STXBP5L: variants seen among roughly 807,000 people sequenced by gnomAD.
The protein encoded by STXBP5L is syntaxin binding protein 5L, also known as syntaxin-binding protein 5-like.
A neutral mutation model predicts 144.5 loss-of-function variants in STXBP5L; 65 were observed. The observed-to-expected ratio is 0.45, with a 90% CI of 0.37 to 0.55. STXBP5L has a LOEUF of 0.55. Ranked by LOEUF, STXBP5L falls within the 20% of genes least tolerant of loss-of-function variation. The pLI is 0.00. For synonymous variants in STXBP5L, 505 were observed against 469.6 expected (o/e 1.08, Z -0.97); for missense variants, 1,298 against 1,405.5 (o/e 0.92, Z 1.22).
intron 5 of STXBP5L, among the ~76,000 whole-genome samples, chr3:121,054,288 G>A (rs367845434): frequency 6.6e-6 from 1 of 152,092 alleles, no homozygotes; most frequent in East Asian, 1.9e-4. Context: ...AGACACATGT[G>A]CACGAATGTT....
chr3:121,417,117 C>T (rs767979518), intron 25 of STXBP5L, among the ~76,000 whole-genome samples: 1 of 152,086 alleles, frequency 6.6e-6, no homozygotes. Flanking sequence ...CTAGAATGGG[C>T]AAATTCAGAA....
At chr3:121,331,363 A>C (rs2044316400) in intron 20 of STXBP5L, among the ~76,000 whole-genome samples, 1 of 152,184 alleles carries the variant, frequency 6.6e-6, no homozygotes, top group South Asian at 2.1e-4. Context: ...GGAGCTTAGC[A>C]TGAGTGTACC....
chr3:121,229,883 G>A (rs572433045), intron 11 of STXBP5L, among the ~76,000 whole-genome samples: 84 of 152,160 alleles, frequency 5.5e-4, no homozygotes, highest in Middle Eastern at 3.4e-3. Context: ...TCAGAAAAAC[G>A]TGTTTCCCTA....
At chr3:121,059,855 C>G (rs1045966995) in intron 5 of STXBP5L, among the ~76,000 whole-genome samples, 7 of 152,166 alleles carry the variant, frequency 4.6e-5, no homozygotes, top group African/African-American at 1.7e-4. Context: ...TGCTTATCAG[C>G]TTAAGGAGAT....
chr3:121,407,499 T>A lies in STXBP5L; in HGVS notation c.2844T>A (p.His948Gln). The A allele has an allele frequency of 6.2e-7, 1 of 1,613,418 alleles. No individual in the cohort carries two copies. The highest frequency in any genetic ancestry group is 1.1e-5 in the South Asian group (1 of 91,070). ...SLPSQTCLYVHNITETSFILQ... is the reference protein window; with the variant it reads ...SLPSQTCLYVQNITETSFILQ... ...CTTCTCAGACTTGCCTTTATGTTCA[T>A]AACATCACGGAGACATCTTTTATAC... Residue 948 changes from histidine (H) to glutamine (Q), a missense_variant, in exon 23 of 27, where the codon CAT becomes CAA. Physicochemically the swap from His to Gln is conservative, Grantham distance 24. Coordinates refer to ENST00000471454, the MANE Select transcript of STXBP5L (RefSeq NM_001308330.2).
intron 5 of STXBP5L, among the ~76,000 whole-genome samples, chr3:121,053,809 A>G (rs947536193): frequency 1.3e-4 from 20 of 152,074 alleles, no homozygotes; most frequent in Admixed American, 8.5e-4. Context: ...GCAACCTACA[A>G]AATGGGAGAA....
At chr3:121,211,936 G>A (rs938881098) in intron 10 of STXBP5L, among the ~76,000 whole-genome samples, 2 of 151,970 alleles carry the variant, frequency 1.3e-5, no homozygotes, top group Admixed American at 6.6e-5. Flanking sequence ...TATCTCATTG[G>A]GGTTTTGATT....
chr3:121,333,874 T>A (rs1294017980), intron 20 of STXBP5L, among the ~76,000 whole-genome samples: 1 of 152,036 alleles, frequency 6.6e-6, no homozygotes, highest in Non-Finnish European at 1.5e-5. Context: ...AAATTGAGTT[T>A]GTTAATAATA....
At chr3:121,297,220 G>C (rs1485899447) in intron 19 of STXBP5L, among the ~76,000 whole-genome samples, 1 of 151,574 alleles carries the variant, frequency 6.6e-6, no homozygotes, top group East Asian at 1.9e-4. Context: ...GTGTGTGTGT[G>C]TGTGTGTGTG....
chr3:121,042,103 C>G (rs1332701354), intron 4 of STXBP5L, among the ~76,000 whole-genome samples: 1 of 151,930 alleles, frequency 6.6e-6, no homozygotes, highest in East Asian at 1.9e-4. Flanking sequence ...ACTCACTTCC[C>G]ACCAACTTAA....
chr3:121,412,397 C>G (rs1033488109), intron 23 of STXBP5L, among the ~76,000 whole-genome samples: 5 of 152,060 alleles, frequency 3.3e-5, no homozygotes, highest in Admixed American at 1.3e-4. Context: ...TCTAGGCACC[C>G]ACCATACTAC....
At chr3:120,958,528 C>T (rs1038049001) in intron 3 of STXBP5L, among the ~76,000 whole-genome samples, 19 of 151,850 alleles carry the variant, frequency 1.3e-4, no homozygotes, top group Admixed American at 3.3e-4. Flanking sequence ...AAACCGAATC[C>T]AGCAACATAT....
At chr3:121,090,255 G>A (rs1429125594) in intron 5 of STXBP5L, among the ~76,000 whole-genome samples, 1 of 152,084 alleles carries the variant, frequency 6.6e-6, no homozygotes, top group Non-Finnish European at 1.5e-5. Context: ...ATTAATGATA[G>A]GTGGGAATTG....
At chr3:121,053,975 A>C (rs1362643236) in intron 5 of STXBP5L, among the ~76,000 whole-genome samples, 3 of 151,990 alleles carry the variant, frequency 2.0e-5, no homozygotes, top group Non-Finnish European at 4.4e-5. Context: ...ATGCAGCCAA[A>C]AGACACATGA....
intron 3 of STXBP5L, among the ~76,000 whole-genome samples, chr3:121,013,705 C>T (rs931905600): frequency 2.0e-5 from 3 of 151,754 alleles, no homozygotes; most frequent in African/African-American, 7.3e-5. Flanking sequence ...GGTTTTGTTG[C>T]ATTTGCCTTT....
At chr3:121,140,913 A>T (rs1465674688) in intron 7 of STXBP5L, among the ~76,000 whole-genome samples, 1 of 152,206 alleles carries the variant, frequency 6.6e-6, no homozygotes, top group East Asian at 1.9e-4. Flanking sequence ...ACAAAATGAT[A>T]ACTATGTGAG....
intron 2 of STXBP5L, among the ~76,000 whole-genome samples, chr3:120,932,954 A>T (rs999113490): frequency 6.6e-6 from 1 of 150,966 alleles, no homozygotes; most frequent in Admixed American, 6.6e-5. Flanking sequence ...AGGACAAAAA[A>T]CCAAACACCA....
chr3:121,421,764 T>C lies in STXBP5L; in HGVS notation c.*2667T>C, dbSNP rs1576388504. The C allele has an allele frequency of 6.6e-6, 1 of 152,176 alleles. No individual in the cohort carries two copies. The highest frequency in any genetic ancestry group is 6.5e-5 in the Admixed American group (1 of 15,268). 9.4% of individuals were successfully genotyped at this position (152,176 alleles called of 1,614,324 possible). A position where few individuals can be genotyped will look rare whatever the true frequency, so the allele number is the denominator to read the frequency against. ...AAAAGGACATTATAGCATTTCACTG[T>C]AGAAGTGCTTAAAACCTTGGCCTCA... On this transcript the variant is annotated 3_prime_UTR_variant, in exon 27 of 27. Coordinates refer to ENST00000471454, the MANE Select transcript of STXBP5L (RefSeq NM_001308330.2).
At chr3:121,245,300 A>G (rs1361368257) in intron 14 of STXBP5L, among the ~76,000 whole-genome samples, 3 of 151,602 alleles carry the variant, frequency 2.0e-5, no homozygotes, top group African/African-American at 7.3e-5. Flanking sequence ...GAAAATGCCT[A>G]TAGAAGGTGC....
Sources: allele counts gnomAD v4.1 joint callset (sites outside exome capture counted in the v4.1 genomes callset), GRCh38; gene constraint gnomAD v4.1.1; transcripts MANE v1.5; gene names NCBI Gene and HGNC (gene_info 2026-07-23, HGNC 2026-07-21).